Variants in NELL1 observed in about 807,000 individuals in gnomAD.
The protein encoded by NELL1 is protein kinase C-binding protein NELL1.
Under a neutral mutation model 107.4 loss-of-function variants are expected in NELL1, and 76 were observed. The observed-to-expected ratio is 0.71, with a 90% CI of 0.59 to 0.86. The LOEUF is 0.86. NELL1 is among the 40% of genes least tolerant of loss of function. NELL1 has a pLI of 0.00. For missense variants in NELL1, 1,024 were observed against 1,005.5 expected, an observed-to-expected ratio of 1.02 and a Z score of -0.25; for synonymous variants, 353 against 341.2, an observed-to-expected ratio of 1.03 and a Z score of -0.38.
At chr11:20,736,418 C>T (rs942639897) in intron 2 of NELL1, among the ~76,000 whole-genome samples, 5 of 152,058 alleles carry the variant, frequency 3.3e-5, no homozygotes, top group Non-Finnish European at 7.4e-5. Context: ...CTACGCTGCC[C>T]TCACTGGGGT....
intron 14 of NELL1, among the ~76,000 whole-genome samples, chr11:21,344,140 GT>G (rs1850634130): frequency 6.6e-6 from 1 of 152,148 alleles, no homozygotes; most frequent in Non-Finnish European, 1.5e-5. Flanking sequence ...ATTTTCTCGG[GT>G]ATCCTATTGC....
At chr11:20,766,277 A>G (rs755193784) in intron 2 of NELL1, among the ~76,000 whole-genome samples, 2 of 152,194 alleles carry the variant, frequency 1.3e-5, no homozygotes, top group Non-Finnish European at 2.9e-5. Flanking sequence ...ATGTGAAGTC[A>G]TGTCATTTCT....
chr11:21,147,016 C>T (rs1042464461), intron 13 of NELL1, among the ~76,000 whole-genome samples: 2 of 152,126 alleles, frequency 1.3e-5, no homozygotes, highest in East Asian at 1.9e-4. Context: ...TGCGCTCCAG[C>T]GTGGGTGACA....
chr11:20,943,822 G>A (rs913836934), intron 10 of NELL1, among the ~76,000 whole-genome samples: 1 of 152,138 alleles, frequency 6.6e-6, no homozygotes, highest in African/African-American at 2.4e-5. Flanking sequence ...TCTCAATTCT[G>A]AATTTTAGAG....
chr11:20,786,522 A>G (rs1433388906), intron 3 of NELL1, among the ~76,000 whole-genome samples: 2 of 152,034 alleles, frequency 1.3e-5, no homozygotes, highest in East Asian at 1.9e-4. Flanking sequence ...ACAAGACACC[A>G]AAGTGTGTTG....
chr11:21,307,380 A>T (rs1849629047), intron 14 of NELL1, among the ~76,000 whole-genome samples: 1 of 151,748 alleles, frequency 6.6e-6, no homozygotes, highest in African/African-American at 2.4e-5. Context: ...ATAAGATAAA[A>T]GTAAATTTAT....
At chr11:20,893,713 GTTA>G (rs1336351297) in intron 5 of NELL1, among the ~76,000 whole-genome samples, 2 of 151,208 alleles carry the variant, frequency 1.3e-5, no homozygotes, top group African/African-American at 4.9e-5. Context: ...TTTCACAATT[GTTA>G]TTATCAATTT....
chr11:21,418,344 A>C (rs547619713), intron 15 of NELL1, among the ~76,000 whole-genome samples: 14 of 152,210 alleles, frequency 9.2e-5, no homozygotes, highest in African/African-American at 3.4e-4. Flanking sequence ...TCAGGCCTTG[A>C]TGGCTATATG....
At chr11:20,720,610 G>C (rs1855358563) in intron 2 of NELL1, among the ~76,000 whole-genome samples, 1 of 152,138 alleles carries the variant, frequency 6.6e-6, no homozygotes, top group Non-Finnish European at 1.5e-5. Flanking sequence ...ATTTTTGGAT[G>C]CTAGGAGTCC....
chr11:21,097,976 C>CAA (rs201740361), intron 12 of NELL1, among the ~76,000 whole-genome samples: 55 of 126,378 alleles, frequency 4.4e-4, no homozygotes, highest in African/African-American at 1.4e-3. Flanking sequence ...CTCCCAACTC[C>CAA]AAAAAAAAAA....
At chr11:21,439,636 C>G (rs1050530268) in intron 15 of NELL1, among the ~76,000 whole-genome samples, 11 of 152,128 alleles carry the variant, frequency 7.2e-5, no homozygotes, top group Non-Finnish European at 1.6e-4. Flanking sequence ...TCATTTCTTA[C>G]TAATACAGTG....
At chr11:21,123,276 G>A (rs1178318926) in intron 13 of NELL1, among the ~76,000 whole-genome samples, 1 of 151,690 alleles carries the variant, frequency 6.6e-6, no homozygotes, top group South Asian at 2.1e-4. Context: ...GTAGTACTTG[G>A]ATAACTTACA....
At chr11:21,027,582 T>G (rs1046147643) in intron 12 of NELL1, among the ~76,000 whole-genome samples, 24 of 152,130 alleles carry the variant, frequency 1.6e-4, no homozygotes, top group Non-Finnish European at 1.5e-4. Context: ...TGCAGGTATC[T>G]CTCAAGGATG....
chr11:21,448,717 G>T (rs2133854949), intron 15 of NELL1, among the ~76,000 whole-genome samples: 2 of 152,168 alleles, frequency 1.3e-5, no homozygotes, highest in African/African-American at 4.8e-5. Flanking sequence ...TTTATAATTT[G>T]CTCGCCCACT....
chr11:21,533,399 G>T (rs1004925785), intron 15 of NELL1, among the ~76,000 whole-genome samples: 13 of 152,106 alleles, frequency 8.5e-5, no homozygotes, highest in Non-Finnish European at 1.5e-4. Context: ...ATATTCATAT[G>T]AGTCCCATAT....
rs191966985 is a variant in NELL1 at position 21,062,419 on chromosome 11, C to A, written c.1301-51170C>A. ...TGAGAAGACTAGAAGCTTCCATTCT[C>A]CCTTAGATCTAAGCCACAGTTGTCA... is the stretch of plus-strand genomic sequence containing the variant. On this transcript the variant is annotated intron_variant, in intron 12 of 19. Coordinates refer to ENST00000357134, the MANE Select transcript of NELL1 (RefSeq NM_006157.5). 1.6e-4 allele frequency among the ~76,000 whole-genome samples: 24 copies of A among 152,272 alleles called. No individual in the cohort carries two copies. In the East Asian group the frequency reaches 2.5e-3, roughly 16 times the overall value.
intron 4 of NELL1, among the ~76,000 whole-genome samples, chr11:20,875,749 G>T (rs1306094845): frequency 1.3e-5 from 2 of 152,188 alleles, no homozygotes; most frequent in Non-Finnish European, 2.9e-5. Context: ...TAAGCAGAGA[G>T]AAGGGTTGGT....
chr11:21,219,193 T>G (rs545590095), intron 13 of NELL1, among the ~76,000 whole-genome samples: 17 of 152,302 alleles, frequency 1.1e-4, no homozygotes, highest in South Asian at 6.2e-4. Context: ...TGAGATAATA[T>G]CTCACTGTAC....
rs149512795 is a variant in NELL1, at chr11:21,152,991, G to A, written c.1426+39277G>A. On this transcript the variant is annotated intron_variant, in intron 13 of 19. Transcript: ENST00000357134. ...TAATTTTCATTTACATCACCTCTTA[G>A]CACCTAAGAATAACCTTTTAAAATT... Among the ~76,000 whole-genome samples, 44 of 152,142 alleles carry A rather than the reference G, an allele frequency of 2.9e-4. No homozygotes were observed. In the East Asian group the frequency reaches 6.7e-3, roughly 23 times the overall value.
Sources: allele counts gnomAD v4.1 joint callset (sites outside exome capture counted in the v4.1 genomes callset), GRCh38; gene constraint gnomAD v4.1.1; transcripts MANE v1.5; gene names NCBI Gene and HGNC (gene_info 2026-07-23, HGNC 2026-07-21).